Variants in GALNT16 observed in about 807,000 individuals in gnomAD.
GALNT16 encodes polypeptide N-acetylgalactosaminyltransferase 16.
A neutral mutation model predicts 76.1 loss-of-function variants in GALNT16; 40 were observed. That is an observed-to-expected ratio of 0.53 (90% CI 0.41 to 0.68). GALNT16 has a LOEUF of 0.68. Ranked by LOEUF, GALNT16 falls within the 30% of genes least tolerant of loss-of-function variation. The probability of loss-of-function intolerance (pLI) is 0.00; values close to 1 mark genes in which losing one functional copy is unlikely to be tolerated. For synonymous variants in GALNT16, 276 were observed against 285.2 expected, an observed-to-expected ratio of 0.97 and a Z score of 0.32; for missense variants, 621 against 731.9, an observed-to-expected ratio of 0.85 and a Z score of 1.75.
the GALNT16 span, among the ~76,000 whole-genome samples, chr14:69,379,625 G>A: frequency 6.6e-6 from 1 of 152,116 alleles, no homozygotes; most frequent in Non-Finnish European, 1.5e-5. Flanking sequence ...GACATGATTG[G>A]AAGTACACTC....
chr14:69,300,218 ACACCC>A (rs1320432427), intron 1 of GALNT16, among the ~76,000 whole-genome samples: 1 of 151,908 alleles, frequency 6.6e-6, no homozygotes, highest in Non-Finnish European at 1.5e-5. Context: ...TGTGTGTGCT[ACACCC>A]GCACACACAC....
chr14:69,356,360 C>A (rs184614714), downstream of GALNT16: 2 of 152,156 alleles, frequency 1.3e-5, no homozygotes, highest in African/African-American at 4.8e-5. Context: ...TCAAGCCAGG[C>A]GCAGTGGCTC....
At chr14:69,337,456 A>G (rs998106433) in intron 9 of GALNT16, among the ~76,000 whole-genome samples, 2 of 152,218 alleles carry the variant, frequency 1.3e-5, no homozygotes, top group African/African-American at 4.8e-5. Flanking sequence ...AATATTATAG[A>G]CATTATGGGC....
rs1399540379 is a variant in GALNT16 at position 69,333,145 on chromosome 14, G to A, written c.839G>A (p.Arg280Gln). 7 of 1,612,676 alleles carry A rather than the reference G, an allele frequency of 4.3e-6. No individual in the cohort carries two copies. The highest frequency in any genetic ancestry group is 2.2e-5 in the South Asian group (2 of 90,978). The change falls in exon 8 of 15, where the codon CGG (arginine) becomes CAG (glutamine). Residue 280 changes from arginine to glutamine, a missense_variant. Transcript: ENST00000448469. This position sits in a 1 kb window ranked among gnomAD's most constrained non-coding sequence, Gnocchi z 4.2. ...EQIPLEQKMT[R>Q]TDPTRPIRTP... ...ATCCCTCTTGAGCAGAAGATGACCC[G>A]GACAGACCCCACCAGGCCCATAAGG... is the stretch of plus-strand genomic sequence containing the variant.
intron 1 of GALNT16, among the ~76,000 whole-genome samples, chr14:69,290,235 A>G (rs1231697067): frequency 6.6e-6 from 1 of 152,210 alleles, no homozygotes; most frequent in African/African-American, 2.4e-5. Context: ...GACCCACACA[A>G]TCTTGCCAGA....
chr14:69,331,434 G>A (rs964363309), intron 6 of GALNT16, 30 bp from the exon 7 acceptor site: 2 of 1,274,124 alleles, frequency 1.6e-6, no homozygotes, highest in Non-Finnish European at 2.3e-6. Context: ...GAAGTCCCAG[G>A]CCTCACACCA....
Position 69,326,150 on chromosome 14 carries a change from T to C in GALNT16, c.568+123T>C, listed in dbSNP as rs2045281868. On this transcript the variant is annotated intron_variant, in intron 5 of 14. Coordinates refer to ENST00000448469, the MANE Select transcript of GALNT16 (RefSeq NM_001168368.2). ...ATGGTCCTGCTGCATTCCTGATGGC[T>C]GAGACCAGGTTCTGCAGAAGACTCT... 33 of 759,222 alleles carry C rather than the reference T, an allele frequency of 4.3e-5. No individual in the cohort carries two copies. The South Asian group carries it at 4.7e-4, about 11-fold the overall frequency. 47.0% of individuals were successfully genotyped at this position (759,222 alleles called of 1,614,324 possible). A position where few individuals can be genotyped will look rare whatever the true frequency, so the allele number is the denominator to read the frequency against.
At chr14:69,370,027 A>G in the GALNT16 span, among the ~76,000 whole-genome samples, 2 of 152,152 alleles carry the variant, frequency 1.3e-5, no homozygotes, top group African/African-American at 4.8e-5. Context: ...CCCCTTTTCT[A>G]TTGGCATTCT....
At chr14:69,270,373 T>C (rs1359251399) in intron 1 of GALNT16, among the ~76,000 whole-genome samples, 1 of 152,212 alleles carries the variant, frequency 6.6e-6, no homozygotes, top group African/African-American at 2.4e-5. Flanking sequence ...GTGACTGGTA[T>C]GACACAGTGT....
intron 1 of GALNT16, among the ~76,000 whole-genome samples, chr14:69,285,783 C>T (rs1002341394): frequency 2.6e-5 from 4 of 152,158 alleles, no homozygotes; most frequent in African/African-American, 9.7e-5. Flanking sequence ...CCCTCAGGGA[C>T]GGTGCCATCT....
At chr14:69,375,506 A>C in the GALNT16 span, among the ~76,000 whole-genome samples, 1 of 152,196 alleles carries the variant, frequency 6.6e-6, no homozygotes, top group African/African-American at 2.4e-5. Flanking sequence ...CCTCCACAAC[A>C]AAAGCCTGTA....
intron 1 of GALNT16, among the ~76,000 whole-genome samples, chr14:69,266,916 C>G (rs1035268725): frequency 2.0e-5 from 3 of 152,224 alleles, no homozygotes; most frequent in Non-Finnish European, 4.4e-5. Flanking sequence ...GAAGCCAAGG[C>G]TGGTCAGAGA....
chr14:69,384,414 T>C, the GALNT16 span, among the ~76,000 whole-genome samples: 6 of 152,210 alleles, frequency 3.9e-5, no homozygotes, highest in Non-Finnish European at 5.9e-5. Context: ...TAGCAAATGG[T>C]AGACCCAGGA....
intron 1 of GALNT16, among the ~76,000 whole-genome samples, chr14:69,292,247 C>T (rs753639742): frequency 2.0e-5 from 3 of 152,234 alleles, no homozygotes; most frequent in African/African-American, 7.2e-5. Flanking sequence ...TAGTGAGTGG[C>T]AGAGCCGGGA....
chr14:69,260,010 C>T (rs947937061), upstream of GALNT16: 7 of 349,520 alleles, frequency 2.0e-5, no homozygotes, highest in East Asian at 1.8e-4. Flanking sequence ...GTGGGTCAGC[C>T]GGCGGCGGCT....
chr14:69,288,564 T>C (rs965745300), intron 1 of GALNT16, among the ~76,000 whole-genome samples: 1 of 152,182 alleles, frequency 6.6e-6, no homozygotes, highest in Non-Finnish European at 1.5e-5. Flanking sequence ...TCATTTTGCA[T>C]TGACCGAGCA....
rs762723742 is a variant in GALNT16, at chr14:69,331,471, C to T, written c.698C>T (p.Thr233Ile). Reference protein sequence around the residue: ...PMLQRVKEDHTRVVSPIIDVI... With the variant: ...PMLQRVKEDHIRVVSPIIDVI... Reference sequence around the variant, plus strand: ...CTCACATCTCTCTCCTAGGACCACACCCGCGTGGTGAGTCCCATCATTGAT... The same window carrying T: ...CTCACATCTCTCTCCTAGGACCACATCCGCGTGGTGAGTCCCATCATTGAT... The change falls in exon 7 of 15, where the codon ACC (threonine) becomes ATC (isoleucine). Residue 233 changes from threonine to isoleucine, a missense_variant. By Grantham distance (89) the Thr-to-Ile change is moderately conservative (BLOSUM62 -1). Coordinates refer to ENST00000448469, the MANE Select transcript of GALNT16 (RefSeq NM_001168368.2). 2 of 1,595,842 alleles carry T rather than the reference C, an allele frequency of 1.3e-6. No homozygotes were observed. Among genetic ancestry groups the T allele is most frequent in the Non-Finnish European group, 1.7e-6 (2 of 1,163,416 alleles).
chr14:69,278,599 G>A (rs1452264773), intron 1 of GALNT16, among the ~76,000 whole-genome samples: 1 of 152,066 alleles, frequency 6.6e-6, no homozygotes, highest in Non-Finnish European at 1.5e-5. Context: ...GTTGTCTACT[G>A]TTCCATAGAC....
intron 1 of GALNT16, among the ~76,000 whole-genome samples, chr14:69,289,935 C>T (rs562423438): frequency 6.6e-6 from 1 of 152,208 alleles, no homozygotes; most frequent in Non-Finnish European, 1.5e-5. Flanking sequence ...GACAGGGTTT[C>T]ACCGTGTTGC....
Sources: allele counts gnomAD v4.1 joint callset (sites outside exome capture counted in the v4.1 genomes callset), GRCh38; gene constraint gnomAD v4.1.1; non-coding constraint Gnocchi (gnomAD v3.1); transcripts MANE v1.5; gene names NCBI Gene and HGNC (gene_info 2026-07-23, HGNC 2026-07-21).